The following TMTC1 variants were observed in gnomAD, a reference collection of about 807,000 sequenced individuals.
The protein encoded by TMTC1 is transmembrane O-mannosyltransferase targeting cadherins 1.
TMTC1 carries 73 observed loss-of-function variants against 104.8 expected under a neutral mutation model. That is an observed-to-expected ratio of 0.70 (90% CI 0.58 to 0.85). The LOEUF (loss-of-function observed/expected upper bound fraction) is 0.85. Among genes scored for constraint, TMTC1 ranks in the 40% least tolerant of loss-of-function variants. The pLI, the probability that TMTC1 is intolerant of heterozygous loss-of-function variation, is 0.00. For missense variants in TMTC1, 1,035 were observed against 1,096.1 expected (o/e 0.94, Z 0.79); for synonymous variants, 434 against 428.7 (o/e 1.01, Z -0.15).
chr12:29,535,404 A>G (rs1232854746), intron 11 of TMTC1: 3 of 152,192 alleles, frequency 2.0e-5, no homozygotes, highest in Non-Finnish European at 4.4e-5. Context: ...GAATGACCTA[A>G]TTTTGCTTCT....
chr12:29,674,941 A>T (rs911820792), intron 5 of TMTC1, among the ~76,000 whole-genome samples: 8 of 152,180 alleles, frequency 5.3e-5, no homozygotes, highest in Non-Finnish European at 1.2e-4. Context: ...AATGATTTTC[A>T]CAGGGGCTTG....
intron 5 of TMTC1, among the ~76,000 whole-genome samples, chr12:29,660,315 T>C (rs1027997903): frequency 6.6e-6 from 1 of 152,138 alleles, no homozygotes; most frequent in Non-Finnish European, 1.5e-5. Flanking sequence ...AGAACTGAGA[T>C]GAACTGGCTC....
intron 6 of TMTC1, among the ~76,000 whole-genome samples, chr12:29,611,079 A>G (rs905513409): frequency 6.6e-6 from 1 of 152,220 alleles, no homozygotes; most frequent in Non-Finnish European, 1.5e-5. Flanking sequence ...GCCAAGAGGC[A>G]CTGCCAGATG....
intron 11 of TMTC1, among the ~76,000 whole-genome samples, chr12:29,530,151 G>A (rs1039228719): frequency 3.9e-5 from 6 of 152,146 alleles, no homozygotes; most frequent in Middle Eastern, 3.4e-3. Flanking sequence ...AAAATCCTAA[G>A]TCCCCAATCT....
At chr12:29,671,290 A>G (rs1383130078) in intron 5 of TMTC1, among the ~76,000 whole-genome samples, 3 of 145,838 alleles carry the variant, frequency 2.1e-5, no homozygotes, top group South Asian at 4.3e-4. Context: ...ACAGAGTGAG[A>G]CTCCATCTTA....
At chr12:29,562,687 T>C (rs1945407435) in intron 9 of TMTC1, among the ~76,000 whole-genome samples, 1 of 152,194 alleles carries the variant, frequency 6.6e-6, no homozygotes, top group South Asian at 2.1e-4. Context: ...GTCTGTGCTT[T>C]AGTTGCTTTC....
At chr12:29,619,083 A>G (rs1290902799) in intron 6 of TMTC1, among the ~76,000 whole-genome samples, 2 of 152,210 alleles carry the variant, frequency 1.3e-5, no homozygotes, top group African/African-American at 2.4e-5. Flanking sequence ...AATCAGGGGA[A>G]AAAAAAACTA....
intron 6 of TMTC1, among the ~76,000 whole-genome samples, chr12:29,630,043 T>C (rs1177117795): frequency 3.3e-5 from 5 of 152,222 alleles, no homozygotes; most frequent in African/African-American, 1.2e-4. Flanking sequence ...TGAGTTTCAC[T>C]ACCACAATCA....
At chr12:29,571,424 G>A (rs75962018) in intron 9 of TMTC1, among the ~76,000 whole-genome samples, 2,629 of 151,814 alleles carry the variant, frequency 0.017, 63 homozygotes, top group East Asian at 0.055. Flanking sequence ...GGGTACTTCC[G>A]ACTGGCTAGT....
At chr12:29,756,675 G>GC (rs1161456871) in intron 3 of TMTC1, among the ~76,000 whole-genome samples, 2 of 152,046 alleles carry the variant, frequency 1.3e-5, no homozygotes, top group Non-Finnish European at 2.9e-5. Flanking sequence ...AACAGAGCGG[G>GC]CCCCCTACCA....
chr12:29,783,105 A>C lies in TMTC1; in HGVS notation c.302+345T>G, dbSNP rs989774334. ...CTCCGGAACCCTCTGGGTCCGCGCT[A>C]GTCCCACTTGGTCACGATCCGGCAG... is the stretch of plus-strand genomic sequence containing the variant. On this transcript the variant is annotated intron_variant, in intron 1 of 17. Transcript: ENST00000539277. The surrounding 1 kb of genome is among the most constrained non-coding windows in gnomAD (Gnocchi z 4.7). 8 of 262,180 alleles carry C rather than the reference A, an allele frequency of 3.1e-5. No individual in the cohort carries two copies. The highest frequency in any genetic ancestry group is 1.1e-4 in the African/African-American group (5 of 45,594). The allele number at this position is 262,180 out of a possible 1,614,324, so 16.2% of individuals were successfully genotyped here.
intron 5 of TMTC1, among the ~76,000 whole-genome samples, chr12:29,734,767 C>T (rs151093361): frequency 6.6e-6 from 1 of 151,866 alleles, no homozygotes; most frequent in Non-Finnish European, 1.5e-5. Flanking sequence ...TCTTCTTTTC[C>T]TTTTTGGAAC....
intron 9 of TMTC1, among the ~76,000 whole-genome samples, chr12:29,561,188 GAA>G (rs58224772): frequency 9.6e-5 from 13 of 135,164 alleles, no homozygotes; most frequent in African/African-American, 2.9e-4. Context: ...ATCTTTTAAA[GAA>G]AAAAAAAAAA....
chr12:29,749,759 C>T (rs1369116156), intron 5 of TMTC1, among the ~76,000 whole-genome samples: 1 of 152,090 alleles, frequency 6.6e-6, no homozygotes. Flanking sequence ...GTAACTAATG[C>T]CACCATCCAC....
At chr12:29,774,025 A>AGTGTGT (rs10590084) in intron 1 of TMTC1, among the ~76,000 whole-genome samples, 3 of 151,170 alleles carry the variant, frequency 2.0e-5, no homozygotes, top group African/African-American at 7.3e-5. Context: ...TGGAGACATG[A>AGTGTGT]GTGTGTGTGT....
chr12:29,621,991 C>A (rs542482944), intron 6 of TMTC1, among the ~76,000 whole-genome samples: 2 of 152,220 alleles, frequency 1.3e-5, no homozygotes, highest in Non-Finnish European at 1.5e-5. Context: ...GTGCCACAGC[C>A]TGTGATTTGT....
chr12:29,507,802 C>G lies in TMTC1; in HGVS notation c.2509-816G>C, dbSNP rs928046004. On this transcript the variant is annotated intron_variant, in intron 17 of 17. Coordinates refer to ENST00000539277, the MANE Select transcript of TMTC1 (RefSeq NM_001193451.2). The stretch of plus-strand genomic sequence containing the variant: ...TTACCTCCCTTATTCGTTCCACCCT[C>G]TTTTAGATCTGTATTCTGCAAATTC... Among the ~76,000 whole-genome samples the G allele has an allele frequency of 2.1e-4, 32 of 152,186 alleles. 1 individual carries two copies. The highest frequency in any genetic ancestry group is 4.4e-4 in the Non-Finnish European group (30 of 68,034).
chr12:29,665,960 C>G (rs1428179768), intron 5 of TMTC1, among the ~76,000 whole-genome samples: 2 of 152,110 alleles, frequency 1.3e-5, no homozygotes, highest in Non-Finnish European at 2.9e-5. Flanking sequence ...ACCCACCACA[C>G]CCTGCTCACT....
At chr12:29,534,038 G>A (rs55793838) in intron 11 of TMTC1, 18,655 of 152,210 alleles carry the variant, frequency 0.12, 1,456 homozygotes, top group African/African-American at 0.22. Flanking sequence ...GCTTCACTGT[G>A]TGTTACATGT....
Sources: allele counts gnomAD v4.1 joint callset (sites outside exome capture counted in the v4.1 genomes callset), GRCh38; gene constraint gnomAD v4.1.1; non-coding constraint Gnocchi (gnomAD v3.1); transcripts MANE v1.5; gene names NCBI Gene and HGNC (gene_info 2026-07-23, HGNC 2026-07-21).